The following KIFAP3 variants were observed in gnomAD, a reference collection of about 807,000 sequenced individuals.
KIFAP3 encodes kinesin-associated protein 3.
In KIFAP3, 68 loss-of-function variants were observed where a neutral mutation model predicts 106.5. The observed-to-expected ratio is 0.64, with a 90% CI of 0.53 to 0.78. The LOEUF is 0.78. Ranked by LOEUF, KIFAP3 falls within the 30% of genes least tolerant of loss-of-function variation. The pLI is 0.00. For missense variants in KIFAP3, 780 were observed against 941.8 expected (o/e 0.83, Z 2.25); for synonymous variants, 320 against 311.5 (o/e 1.03, Z -0.29).
At chr1:170,065,975 A>C (rs1671423586) in intron 1 of KIFAP3, among the ~76,000 whole-genome samples, 1 of 152,158 alleles carries the variant, frequency 6.6e-6, no homozygotes, top group Non-Finnish European at 1.5e-5. Context: ...TGGCCCAACT[A>C]TACTTTGATT....
chr1:169,955,209 G>A lies in KIFAP3; in HGVS notation c.2174-1099C>T, dbSNP rs564710263. 2.0e-5 allele frequency among the ~76,000 whole-genome samples: 3 copies of A among 152,172 alleles called. No homozygotes were observed. The East Asian group carries it at 5.8e-4, about 29-fold the overall frequency. On this transcript the variant is annotated intron_variant, in intron 18 of 19. Transcript: ENST00000361580. Reference sequence around the variant, plus strand: ...GTTTATACATTTGGCACACAGTATAGGCAAATTATTCAATCACCAAATGAT... The same window carrying A: ...GTTTATACATTTGGCACACAGTATAAGCAAATTATTCAATCACCAAATGAT...
intron 2 of KIFAP3, among the ~76,000 whole-genome samples, chr1:170,048,370 A>T (rs1318864888): frequency 1.3e-5 from 2 of 150,558 alleles, no homozygotes; most frequent in Non-Finnish European, 2.9e-5. Flanking sequence ...TTTTAGCTGC[A>T]CATCAGAAGG....
intron 5 of KIFAP3, among the ~76,000 whole-genome samples, chr1:170,036,323 T>C (rs921185302): frequency 6.6e-6 from 1 of 152,122 alleles, no homozygotes; most frequent in Non-Finnish European, 1.5e-5. Context: ...TAGTACTTTA[T>C]GGACTGCATT....
At chr1:170,030,858 G>A (rs1277115080) in intron 8 of KIFAP3, among the ~76,000 whole-genome samples, 3 of 151,648 alleles carry the variant, frequency 2.0e-5, no homozygotes, top group African/African-American at 7.3e-5. Flanking sequence ...TGATGGATAT[G>A]TACCTTATCT....
intron 2 of KIFAP3, among the ~76,000 whole-genome samples, chr1:170,052,154 A>G (rs1054946479): frequency 1.3e-5 from 2 of 152,180 alleles, no homozygotes; most frequent in African/African-American, 4.8e-5. Flanking sequence ...TAAAGGGGAT[A>G]CCACCACTGA....
intron 1 of KIFAP3, among the ~76,000 whole-genome samples, chr1:170,064,485 C>T (rs1671335391): frequency 6.6e-6 from 1 of 152,144 alleles, no homozygotes; most frequent in Non-Finnish European, 1.5e-5. Flanking sequence ...TTCCAAGTAG[C>T]TGGGACTACA....
chr1:170,053,466 A>C (rs1015617318), intron 2 of KIFAP3, among the ~76,000 whole-genome samples: 9 of 152,104 alleles, frequency 5.9e-5, no homozygotes, highest in Admixed American at 5.9e-4. Flanking sequence ...TTTTTCACAG[A>C]ACTAGGAAAA....
intron 16 of KIFAP3, among the ~76,000 whole-genome samples, chr1:169,975,610 T>A (rs1309170099): frequency 1.3e-5 from 2 of 151,996 alleles, no homozygotes; most frequent in African/African-American, 2.4e-5. Flanking sequence ...TTAAATTTAT[T>A]TTTTATTTTC....
chr1:170,060,321 C>T (rs927347173), intron 1 of KIFAP3, among the ~76,000 whole-genome samples: 41 of 152,224 alleles, frequency 2.7e-4, no homozygotes, highest in South Asian at 8.3e-4. Context: ...AGTCTCAGGA[C>T]ACAAAATCAA....
At chr1:170,034,599 T>C (rs1220624065) in intron 6 of KIFAP3, 103 bp from the exon 7 acceptor site, 2 of 517,730 alleles carry the variant, frequency 3.9e-6, no homozygotes, top group Admixed American at 8.4e-5. Context: ...GAAAATAAAT[T>C]TGATATACAT....
intron 1 of KIFAP3, among the ~76,000 whole-genome samples, chr1:170,060,632 A>T (rs994308028): frequency 1.4e-4 from 21 of 152,196 alleles, no homozygotes; most frequent in Admixed American, 1.3e-3. Context: ...GCTATCAATG[A>T]CTTTCTTCAC....
At chr1:169,965,577 C>T (rs536358) in intron 17 of KIFAP3, among the ~76,000 whole-genome samples, 142,450 of 152,024 alleles carry the variant, frequency 0.94, 66,822 homozygotes, top group East Asian at 1. Flanking sequence ...TTTGCAAAAA[C>T]AAACAAAAAT....
At chr1:170,028,151 A>C (rs369333475) in intron 8 of KIFAP3, among the ~76,000 whole-genome samples, 1 of 152,286 alleles carries the variant, frequency 6.6e-6, no homozygotes, top group South Asian at 2.1e-4. Flanking sequence ...AAGAAACGTT[A>C]AAGTAAATTG....
intron 18 of KIFAP3, among the ~76,000 whole-genome samples, chr1:169,956,610 CTTTT>C (rs1163823729): frequency 1.2e-3 from 145 of 117,422 alleles, no homozygotes; most frequent in African/African-American, 4.4e-3. Context: ...CACTGAAGTT[CTTTT>C]TTTTTTTTTT....
Position 169,982,040 on chromosome 1 carries a change from A to G in KIFAP3, c.1730T>C (p.Met577Thr). Reference protein sequence around the residue: ...EVVIMIGTVSMDDSCAALLAK... With the variant: ...EVVIMIGTVSTDDSCAALLAK... Reference sequence around the variant, plus strand: ...TAGCAATGCAGCACAAGAGTCATCCATGGATACAGTTCCAATCATTATAAC... The same window carrying G: ...TAGCAATGCAGCACAAGAGTCATCCGTGGATACAGTTCCAATCATTATAAC... The change falls in exon 15 of 20, where the codon ATG (methionine) becomes ACG (threonine). Residue 577 changes from methionine to threonine, a missense_variant. Physicochemically the swap from Met to Thr is moderately conservative, Grantham distance 81 (BLOSUM62 -1). Transcript: ENST00000361580. The G allele has an allele frequency of 1.2e-6, 2 of 1,613,350 alleles. No homozygotes were observed. Among genetic ancestry groups the G allele is most frequent in the Non-Finnish European group, 1.7e-6 (2 of 1,179,340 alleles).
intron 19 of KIFAP3, among the ~76,000 whole-genome samples, chr1:169,953,718 G>A (rs1022244130): frequency 1.1e-4 from 16 of 152,150 alleles, no homozygotes; most frequent in South Asian, 4.1e-4. Context: ...GTTTCACCGC[G>A]TTAGCCAGGA....
chr1:170,082,914 A>T lies in KIFAP3; in HGVS notation n.174+2121T>A, dbSNP rs573775597. ...CCTGAACCCAGGAGGCAGAGGTTGC[A>T]GTGAGCTGAGATCATGCCACTGCAC... On this transcript the variant is annotated intron_variant and non_coding_transcript_variant, in intron 1 of 5. Transcript: ENST00000490550. Among the ~76,000 whole-genome samples, 4 of 152,318 alleles carry T rather than the reference A, an allele frequency of 2.6e-5. No homozygotes were observed. In the South Asian group the frequency reaches 8.3e-4, roughly 32 times the overall value.
intron 17 of KIFAP3, among the ~76,000 whole-genome samples, chr1:169,963,139 TC>T (rs1665423324): frequency 6.6e-6 from 1 of 152,184 alleles, no homozygotes; most frequent in Admixed American, 6.6e-5. Context: ...TGTCTCTTGT[TC>T]CCTTCTTTGT....
In KIFAP3 at chr1:169,923,215, A is replaced by C. The variant is rs559613641; in HGVS notation, c.2274-1434T>G. 165 of 293,852 alleles carry C rather than the reference A, an allele frequency of 5.6e-4. 1 individual carries two copies. Among genetic ancestry groups the C allele is most frequent in the African/African-American group, 3.7e-3 (162 of 44,232 alleles). The allele number at this position is 293,852 out of a possible 1,614,324, so 18.2% of individuals were successfully genotyped here. ...TCTATAGTTTCTCAAAGTTGGTTGA[A>C]ATTTTTAAGTCTACATTTTATTTTG... is the stretch of plus-strand genomic sequence containing the variant. On this transcript the variant is annotated intron_variant, in intron 19 of 19. Transcript: ENST00000361580.
Sources: allele counts gnomAD v4.1 joint callset (sites outside exome capture counted in the v4.1 genomes callset), GRCh38; gene constraint gnomAD v4.1.1; transcripts MANE v1.5; gene names NCBI Gene and HGNC (gene_info 2026-07-23, HGNC 2026-07-21).